MPP7: variants seen among roughly 807,000 people sequenced by gnomAD.
MPP7 encodes MAGUK p55 scaffold protein 7.
MPP7 carries 60 observed loss-of-function variants against 76.5 expected under a neutral mutation model. The ratio of observed to expected loss-of-function variants is 0.78; its 90% CI spans 0.64 to 0.97. The LOEUF (loss-of-function observed/expected upper bound fraction) is 0.97, where lower values mean the gene tolerates loss of function less well. Ranked by LOEUF, MPP7 falls within the 50% of genes least tolerant of loss-of-function variation. MPP7 has a pLI of 0.00. For missense variants in MPP7, 641 were observed against 694.0 expected, an observed-to-expected ratio of 0.92 and a Z score of 0.86; for synonymous variants, 237 against 244.5, an observed-to-expected ratio of 0.97 and a Z score of 0.29.
At chr10:28,109,698 G>C (rs2133557372) in intron 11 of MPP7, among the ~76,000 whole-genome samples, 1 of 151,742 alleles carries the variant, frequency 6.6e-6, no homozygotes, top group African/African-American at 2.4e-5. Flanking sequence ...GCAACAGAAA[G>C]AAAGAGATCC....
At chr10:28,114,388 G>A (rs1834596803) in intron 11 of MPP7, among the ~76,000 whole-genome samples, 1 of 152,092 alleles carries the variant, frequency 6.6e-6, no homozygotes, top group African/African-American at 2.4e-5. Context: ...CTCAAGCCTG[G>A]GCAACAGAGT....
intron 1 of MPP7, among the ~76,000 whole-genome samples, chr10:28,332,024 T>C: frequency 6.6e-6 from 1 of 152,240 alleles, no homozygotes; most frequent in Non-Finnish European, 1.5e-5. Context: ...ATAAAGCTAC[T>C]GACTCACTGG....
intron 11 of MPP7, 37 bp from the exon 12 acceptor site, chr10:28,089,878 C>G (rs1177376540): frequency 2.8e-5 from 30 of 1,088,816 alleles, no homozygotes; most frequent in Middle Eastern, 6.1e-4. Context: ...TTAGTAACAT[C>G]AACCAAAAAA....
Position 28,053,616 on chromosome 10 carries a change from T to A in MPP7, c.*449A>T, listed in dbSNP as rs1024830767. 6.4e-6 allele frequency: 1 copy of A among 155,666 alleles called. No individual in the cohort carries two copies. 9.6% of individuals were successfully genotyped at this position (155,666 alleles called of 1,614,324 possible). A position where few individuals can be genotyped will look rare whatever the true frequency, so the allele number is the denominator to read the frequency against. On this transcript the variant is annotated 3_prime_UTR_variant, in exon 17 of 17. Coordinates refer to ENST00000683449, the MANE Select transcript of MPP7 (RefSeq NM_001318170.2). The stretch of plus-strand genomic sequence containing the variant: ...GCCTGCCCGGCTAAATCTGTGATGA[T>A]CCACCCAGAAACAGCAGAGCTCACC...
At chr10:28,178,646 T>C (rs2133897820) in intron 3 of MPP7, among the ~76,000 whole-genome samples, 1 of 152,236 alleles carries the variant, frequency 6.6e-6, no homozygotes, top group Non-Finnish European at 1.5e-5. Context: ...AAGTGGTACC[T>C]CATTCTTCTA....
At chr10:28,152,201 T>C (rs567900659) in intron 3 of MPP7, among the ~76,000 whole-genome samples, 1 of 152,344 alleles carries the variant, frequency 6.6e-6, no homozygotes, top group African/African-American at 2.4e-5. Context: ...CTCCAGATCC[T>C]GACCCAATTG....
upstream of MPP7, among the ~76,000 whole-genome samples, chr10:28,307,944 C>T (rs1841268193): frequency 6.6e-6 from 1 of 152,166 alleles, no homozygotes. Flanking sequence ...AAAATGTGCG[C>T]TTCCTTCTTG....
chr10:28,070,176 T>C (rs1045114581), intron 12 of MPP7, among the ~76,000 whole-genome samples: 2 of 152,140 alleles, frequency 1.3e-5, no homozygotes, highest in Non-Finnish European at 2.9e-5. Context: ...GGTGGGCAGA[T>C]CACGAGGTCA....
At chr10:28,070,623 AC>A (rs1852199207) in intron 12 of MPP7, among the ~76,000 whole-genome samples, 2 of 152,210 alleles carry the variant, frequency 1.3e-5, no homozygotes, top group South Asian at 4.1e-4. Flanking sequence ...ATGTGCTGAG[AC>A]CTTTTCCTGT....
At chr10:28,137,929 A>T (rs758325887) in intron 5 of MPP7, among the ~76,000 whole-genome samples, 3 of 152,222 alleles carry the variant, frequency 2.0e-5, no homozygotes, top group Non-Finnish European at 4.4e-5. Flanking sequence ...TCAGGTTCAC[A>T]GAATTAAGTG....
At chr10:28,265,228 T>C (rs911168813) in intron 1 of MPP7, among the ~76,000 whole-genome samples, 13 of 152,212 alleles carry the variant, frequency 8.5e-5, no homozygotes, top group African/African-American at 2.9e-4. Flanking sequence ...TGATAAAGAA[T>C]GTTTAAAAGA....
chr10:28,201,557 T>G (rs1837771549), intron 3 of MPP7, among the ~76,000 whole-genome samples: 1 of 152,186 alleles, frequency 6.6e-6, no homozygotes, highest in African/African-American at 2.4e-5. Context: ...CTCCCAATGT[T>G]GCTGTATGGC....
intron 1 of MPP7, among the ~76,000 whole-genome samples, chr10:28,263,790 G>C (rs1329193534): frequency 6.6e-6 from 1 of 152,196 alleles, no homozygotes; most frequent in East Asian, 1.9e-4. Context: ...GGGAACCTTA[G>C]TGGTGATGCA....
chr10:28,095,349 A>G (rs987851583), intron 11 of MPP7, among the ~76,000 whole-genome samples: 1 of 152,028 alleles, frequency 6.6e-6, no homozygotes, highest in African/African-American at 2.4e-5. Flanking sequence ...AGCAAGAGTT[A>G]TGAAATTCAG....
Position 28,193,338 on chromosome 10 carries a change from G to A in MPP7, c.156+8815C>T, listed in dbSNP as rs545264213. Among the ~76,000 whole-genome samples the A allele has an allele frequency of 2.4e-4, 37 of 151,458 alleles. No homozygotes were observed. The South Asian group carries it at 4.0e-3, about 16-fold the overall frequency. ...GACCATTCTCCTGCCTCAGCCTCCC[G>A]AGTAGCTGGGACTACAGGCGCCCGT... On this transcript the variant is annotated intron_variant, in intron 3 of 16. Transcript: ENST00000683449.
At chr10:28,125,218 G>C (rs1488581290) in intron 6 of MPP7, 127 bp from the exon 7 acceptor site, 2 of 753,034 alleles carry the variant, frequency 2.7e-6, no homozygotes, top group East Asian at 5.3e-5. Context: ...AAGAAATGAG[G>C]CAGGAAAAAT....
chr10:28,192,036 A>C (rs1837427996), intron 3 of MPP7, among the ~76,000 whole-genome samples: 1 of 152,098 alleles, frequency 6.6e-6, no homozygotes, highest in African/African-American at 2.4e-5. Context: ...AGGCACGAGA[A>C]TCGCTTGAAC....
intron 13 of MPP7, among the ~76,000 whole-genome samples, chr10:28,064,301 G>C (rs1247836600): frequency 6.6e-6 from 1 of 152,162 alleles, no homozygotes; most frequent in Non-Finnish European, 1.5e-5. Flanking sequence ...GAGACAACAT[G>C]GGTGAATCTT....
intron 2 of MPP7, among the ~76,000 whole-genome samples, chr10:28,310,385 C>G (rs780013686): frequency 3.9e-5 from 6 of 152,108 alleles, no homozygotes; most frequent in Non-Finnish European, 8.8e-5. Context: ...CTTCCCAGCT[C>G]AGGTTCCTGC....
Sources: gnomAD v4.1 joint callset for allele counts (sites outside exome capture counted in the v4.1 genomes callset) on GRCh38, gnomAD v4.1.1 for gene constraint, MANE v1.5 for transcripts, NCBI Gene and HGNC (gene_info 2026-07-23, HGNC 2026-07-21) for gene names.